Variants in TCEA1 observed in about 807,000 individuals in gnomAD.
TCEA1 encodes the protein transcription elongation factor A1, also known as transcription elongation factor A protein 1.
TCEA1 carries 21 observed loss-of-function variants against 43.8 expected under a neutral mutation model. The observed-to-expected ratio is 0.48, with a 90% confidence interval of 0.34 to 0.69. The LOEUF (loss-of-function observed/expected upper bound fraction) is 0.69, where lower values mean the gene tolerates loss of function less well. Among genes scored for constraint, TCEA1 ranks in the 30% least tolerant of loss-of-function variants. The pLI, the probability that TCEA1 is intolerant of heterozygous loss-of-function variation, is 0.01. For missense variants in TCEA1, 250 were observed against 365.1 expected (o/e 0.68, Z 2.57); for synonymous variants, 104 against 117.5 (o/e 0.88, Z 0.75).
chr8:54,021,218 G>A (rs908880982), intron 1 of TCEA1, among the ~76,000 whole-genome samples: 2 of 152,140 alleles, frequency 1.3e-5, no homozygotes, highest in African/African-American at 4.8e-5. Context: ...AAGAACAGAT[G>A]AGTCTGAAGC....
intron 9 of TCEA1, among the ~76,000 whole-genome samples, chr8:53,969,730 G>A (rs1427469521): frequency 6.6e-6 from 1 of 152,148 alleles, no homozygotes; most frequent in Non-Finnish European, 1.5e-5. Context: ...CTCCTACCAC[G>A]TAAGCCTCCC....
At chr8:53,987,127 G>A (rs1447423456) in intron 5 of TCEA1, 102 bp from the exon 6 acceptor site, 11 of 972,730 alleles carry the variant, frequency 1.1e-5, no homozygotes, top group Non-Finnish European at 1.7e-5. Flanking sequence ...AACCCCATTT[G>A]CCTGACATAA....
In TCEA1 at chr8:54,012,031, A is replaced by C. The variant is rs565532823; in HGVS notation, c.64-1539T>G. 3.9e-5 allele frequency among the ~76,000 whole-genome samples: 6 copies of C among 152,368 alleles called. No homozygotes were observed. In the East Asian group the frequency reaches 1.2e-3, roughly 29 times the overall value. ...TAAAACATTAAAGTTGTTGGAAAAG[A>C]AATCTAACACTGACTTAAAACGTAT... On this transcript the variant is annotated intron_variant, in intron 1 of 9. Transcript: ENST00000521604.
chr8:54,010,472 T>C lies in TCEA1; in HGVS notation c.84A>G (p.Leu28=), dbSNP rs952303089. ...TCATAGGAATATTCTTAAGCTCCTT[T>C]AGCAAATCCAATGCTCCAGCCTATA... The part of the protein sequence containing the change: ...KKNAAGALDL[L]KELKNIPMTL... Residue 28 remains leucine (L), a synonymous_variant, in exon 2 of 10, where the codon CTA becomes CTG. Coordinates refer to ENST00000521604, the MANE Select transcript of TCEA1 (RefSeq NM_006756.4). The C allele has an allele frequency of 7.5e-6, 12 of 1,605,640 alleles. No homozygotes were observed. The highest frequency in any genetic ancestry group is 1.0e-5 in the Non-Finnish European group (12 of 1,176,920).
chr8:54,003,121 A>G (rs1263804223), intron 2 of TCEA1: 1 of 455,806 alleles, frequency 2.2e-6, no homozygotes, highest in African/African-American at 2.0e-5. Context: ...TAGCTACTGT[A>G]CAGCTACTAT....
At chr8:54,015,764 T>C in intron 1 of TCEA1, among the ~76,000 whole-genome samples, 1 of 152,094 alleles carries the variant, frequency 6.6e-6, no homozygotes, top group African/African-American at 2.4e-5. Context: ...TACAACTCAA[T>C]AATAAAAAGA....
At chr8:53,985,138 C>A (rs551891772) in intron 6 of TCEA1, among the ~76,000 whole-genome samples, 1 of 151,966 alleles carries the variant, frequency 6.6e-6, no homozygotes, top group Non-Finnish European at 1.5e-5. Context: ...CTCAGCCTCC[C>A]GAGTAGCTGC....
Position 54,022,053 on chromosome 8 carries a change from C to T in TCEA1, c.63+10G>A. On this transcript the variant is annotated intron_variant, in intron 1 of 9. Transcript: ENST00000521604. Reference sequence around the variant, plus strand: ...CCTCCCTCCCGGCCCGCGCCGCTCGCCGCGCTCACCGCGTTCTTCTTCTGC... The same window carrying T: ...CCTCCCTCCCGGCCCGCGCCGCTCGTCGCGCTCACCGCGTTCTTCTTCTGC... 1.9e-6 allele frequency: 3 copies of T among 1,575,080 alleles called. No homozygotes were observed. The highest frequency in any genetic ancestry group is 1.1e-5 in the South Asian group (1 of 87,960).
intron 1 of TCEA1, among the ~76,000 whole-genome samples, chr8:54,019,713 C>A (rs1048415336): frequency 6.6e-6 from 1 of 152,078 alleles, no homozygotes; most frequent in Non-Finnish European, 1.5e-5. Context: ...TTACTGAACA[C>A]TTAAAAAGCC....
intron 9 of TCEA1, among the ~76,000 whole-genome samples, chr8:53,969,457 A>G (rs566157966): frequency 4.6e-5 from 7 of 152,314 alleles, no homozygotes; most frequent in African/African-American, 1.7e-4. Flanking sequence ...TGAATAATTC[A>G]AAATGAGCAT....
At chr8:54,007,961 C>T (rs1222175504) in intron 2 of TCEA1, among the ~76,000 whole-genome samples, 1 of 151,564 alleles carries the variant, frequency 6.6e-6, no homozygotes, top group Non-Finnish European at 1.5e-5. Context: ...GATGGTGGAT[C>T]ACCCGAGGTC....
chr8:53,975,404 A>T (rs1450040039), intron 8 of TCEA1, among the ~76,000 whole-genome samples: 2 of 152,226 alleles, frequency 1.3e-5, no homozygotes, highest in African/African-American at 4.8e-5. Flanking sequence ...CATAACCAAA[A>T]GAAAGGAAGT....
intron 1 of TCEA1, among the ~76,000 whole-genome samples, chr8:54,012,013 T>C (rs187048353): frequency 1.3e-5 from 2 of 152,324 alleles, no homozygotes; most frequent in East Asian, 3.9e-4. Flanking sequence ...CAGTAAAACA[T>C]TAAAGTTGTT....
At chr8:54,015,240 G>A (rs943145996) in intron 1 of TCEA1, among the ~76,000 whole-genome samples, 2 of 151,522 alleles carry the variant, frequency 1.3e-5, no homozygotes, top group Admixed American at 6.6e-5. Flanking sequence ...CGTGATCTCA[G>A]TTCGCTGCAA....
intron 1 of TCEA1, among the ~76,000 whole-genome samples, chr8:54,013,680 C>CAAAAAAAAAAAAAAAAAAAAAA (rs5891511): frequency 3.1e-5 from 2 of 65,298 alleles, no homozygotes; most frequent in Non-Finnish European, 5.5e-5. Context: ...AACTCCATCT[C>CAAAAAAAAAAAAAAAAAAAAAA]AAAAAAAAAA....
chr8:53,994,482 T>C (rs1803983742), intron 3 of TCEA1, among the ~76,000 whole-genome samples: 1 of 152,184 alleles, frequency 6.6e-6, no homozygotes. Context: ...AAAAACACTT[T>C]CATAGAAAAT....
intron 1 of TCEA1, among the ~76,000 whole-genome samples, chr8:54,012,508 G>A (rs1160676427): frequency 2.2e-4 from 34 of 152,148 alleles, no homozygotes; most frequent in Admixed American, 2.0e-3. Flanking sequence ...GCAGTGAGCC[G>A]AGATCGCGCC....
Position 53,984,457 on chromosome 8 carries a change from A to C in TCEA1, c.584T>G (p.Ile195Arg), listed in dbSNP as rs1803621108. The C allele has an allele frequency of 6.2e-7, 1 of 1,603,548 alleles. No homozygotes were observed. Among genetic ancestry groups the C allele is most frequent in the Non-Finnish European group, 8.5e-7 (1 of 1,174,896 alleles). ...ATTTTTTGCATCTTTAAGATTTGAT[A>C]TCCTACTTCGTACTCTATTTTTGTA... Reference protein sequence around the residue: ...MKYKNRVRSRISNLKDAKNPN... With the variant: ...MKYKNRVRSRRSNLKDAKNPN... The change falls in exon 7 of 10, where the codon ATA (isoleucine) becomes AGA (arginine). Residue 195 changes from isoleucine to arginine, a missense_variant. Around this residue, in one of 4 missense-constraint regions of TCEA1, gnomAD observed 147 missense variants for 160.3 expected, o/e 0.92. Coordinates refer to ENST00000521604, the MANE Select transcript of TCEA1 (RefSeq NM_006756.4).
intron 4 of TCEA1, among the ~76,000 whole-genome samples, chr8:53,990,818 T>C (rs910666958): frequency 1.3e-5 from 2 of 152,208 alleles, no homozygotes; most frequent in African/African-American, 4.8e-5. Flanking sequence ...TACATTCTGA[T>C]CCTTCCTTTC....
Sources: gnomAD v4.1 joint callset for allele counts (sites outside exome capture counted in the v4.1 genomes callset) on GRCh38, gnomAD v4.1.1 for gene constraint, gnomAD v4.1.1 regional missense constraint, MANE v1.5 for transcripts, NCBI Gene and HGNC (gene_info 2026-07-23, HGNC 2026-07-21) for gene names.